Variants in TUBD1 observed in about 807,000 individuals in gnomAD.
TUBD1 encodes the protein tubulin delta chain.
Under a neutral mutation model 51.2 loss-of-function variants are expected in TUBD1, and 38 were observed. That is an observed-to-expected ratio of 0.74 (90% CI 0.57 to 0.97). The LOEUF is 0.97. Among genes scored for constraint, TUBD1 ranks in the 50% least tolerant of loss-of-function variants. TUBD1 has a pLI of 0.00. For missense variants in TUBD1, 489 were observed against 538.4 expected, an observed-to-expected ratio of 0.91 and a Z score of 0.91; for synonymous variants, 169 against 178.2, an observed-to-expected ratio of 0.95 and a Z score of 0.41.
rs1365666883 is a variant in TUBD1, at chr17:59,889,530, G to A, written c.172+1301C>T. 5.3e-5 allele frequency among the ~76,000 whole-genome samples: 8 copies of A among 150,884 alleles called. No individual in the cohort carries two copies. The East Asian group carries it at 1.2e-3, about 22-fold the overall frequency. On this transcript the variant is annotated intron_variant, in intron 2 of 8. Transcript: ENST00000325752. ...AAAAATACAAAAAAATTAGTTGGGC[G>A]TGGTGGCGCATGCCTGTAGTCCCAG...
intron 8 of TUBD1, among the ~76,000 whole-genome samples, chr17:59,862,764 G>A (rs1336594010): frequency 1.6e-5 from 2 of 121,736 alleles, no homozygotes; most frequent in Admixed American, 1.1e-4. Context: ...TCGCTCTGTC[G>A]CCCAGGCTGG....
At position 59,866,623 on chromosome 17, in the gene TUBD1, T is replaced by G. The variant is rs1225867208; in HGVS notation, c.1061A>C (p.Gln354Pro). The change falls in exon 7 of 9, where the codon CAA becomes CCA. Residue 354 changes from glutamine (Q) to proline (P), a missense_variant. By Grantham distance (76) the Gln-to-Pro change is moderately conservative. Coordinates refer to ENST00000325752, the MANE Select transcript of TUBD1 (RefSeq NM_016261.4). The stretch of plus-strand genomic sequence containing the variant: ...GAATTTCTTACCCACATCTGCACTT[T>G]GCACATCTTTCCCACGAAGAATGAC... ...NLVILRGKDV[Q>P]SADVEGFKDP... 6.2e-7 allele frequency: 1 copy of G among 1,614,034 alleles called. No homozygotes were observed. The highest frequency in any genetic ancestry group is 8.5e-7 in the Non-Finnish European group (1 of 1,180,000).
At chr17:59,889,765 T>C (rs1349509155) in intron 2 of TUBD1, among the ~76,000 whole-genome samples, 2 of 151,048 alleles carry the variant, frequency 1.3e-5, no homozygotes, top group African/African-American at 4.9e-5. Context: ...AGATCAGGCA[T>C]TCGAGACCAG....
chr17:59,878,325 G>A lies in TUBD1; in HGVS notation c.547C>T (p.Gln183Ter). ...AGTGTCAAAATGGAGTTGTAGTTTTGAACAATAACCTGGAGAGGAAAAGGT... is the reference window on the plus strand; with the variant it reads ...AGTGTCAAAATGGAGTTGTAGTTTTAAACAATAACCTGGAGAGGAAAAGGT... The part of the protein sequence containing the change: ...WPYGTGEVIV[Q>*]NYNSILTLSH... Residue 183 changes from glutamine (Q) to a stop codon, truncating the protein, a stop_gained, in exon 5 of 9, where the codon CAA becomes TAA. Transcript: ENST00000325752. LOFTEE classifies it high-confidence loss of function. The A allele has an allele frequency of 1.2e-6, 2 of 1,612,034 alleles. No individual in the cohort carries two copies. The highest frequency in any genetic ancestry group is 1.7e-6 in the Non-Finnish European group (2 of 1,178,236).
intron 7 of TUBD1, among the ~76,000 whole-genome samples, chr17:59,865,567 G>A (rs945658178): frequency 7.9e-5 from 12 of 152,136 alleles, no homozygotes; most frequent in African/African-American, 2.4e-4. Flanking sequence ...GTGACAGAGT[G>A]AGACTCTGTC....
intron 8 of TUBD1, among the ~76,000 whole-genome samples, chr17:59,862,850 G>A (rs1000312990): frequency 7.5e-5 from 11 of 146,576 alleles, no homozygotes; most frequent in South Asian, 2.2e-4. Context: ...TCAGCCTCCC[G>A]AGTAGCTGGG....
At chr17:59,883,431 A>T (rs1347560326) in intron 3 of TUBD1, among the ~76,000 whole-genome samples, 1 of 151,246 alleles carries the variant, frequency 6.6e-6, no homozygotes, top group Admixed American at 6.6e-5. Context: ...ACGCCCAGCT[A>T]ATTTTTTCTA....
intron 3 of TUBD1, among the ~76,000 whole-genome samples, chr17:59,883,324 C>G (rs1019637691): frequency 1.3e-5 from 2 of 151,672 alleles, no homozygotes; most frequent in Non-Finnish European, 2.9e-5. Context: ...GGCTGGAGTG[C>G]AATGGTGTGA....
At chr17:59,861,943 G>T (rs1410766616) in intron 8 of TUBD1, among the ~76,000 whole-genome samples, 4 of 151,368 alleles carry the variant, frequency 2.6e-5, no homozygotes, top group African/African-American at 4.9e-5. Flanking sequence ...TGGAATTACA[G>T]GTGTGAGCCA....
chr17:59,869,852 G>A (rs1305874384), intron 6 of TUBD1, among the ~76,000 whole-genome samples: 4 of 152,012 alleles, frequency 2.6e-5, no homozygotes, highest in African/African-American at 4.8e-5. Context: ...AGTTACACAT[G>A]ACAGACTGAG....
At chr17:59,872,099 G>A (rs1213038563) in intron 6 of TUBD1, among the ~76,000 whole-genome samples, 1 of 152,034 alleles carries the variant, frequency 6.6e-6, no homozygotes, top group Non-Finnish European at 1.5e-5. Context: ...GATTACAAGT[G>A]TGTGCCATCA....
chr17:59,874,830 T>A, intron 5 of TUBD1, 127 bp from the exon 6 acceptor site: 1 of 684,746 alleles, frequency 1.5e-6, no homozygotes, highest in Non-Finnish European at 2.4e-6. Flanking sequence ...CAGAATTATT[T>A]AATCTTTAAT....
intron 6 of TUBD1, among the ~76,000 whole-genome samples, chr17:59,867,834 T>C (rs1237418268): frequency 6.6e-6 from 1 of 151,978 alleles, no homozygotes; most frequent in Non-Finnish European, 1.5e-5. Context: ...AGAACAGTAG[T>C]CAGCCTCCAA....
chr17:59,873,148 T>C (rs1305361945), intron 6 of TUBD1, among the ~76,000 whole-genome samples: 1 of 152,136 alleles, frequency 6.6e-6, no homozygotes, highest in Non-Finnish European at 1.5e-5. Context: ...GTAGATGAAA[T>C]AGCTAGACGT....
intron 3 of TUBD1, chr17:59,885,285 G>A: frequency 1.7e-6 from 1 of 592,174 alleles, no homozygotes. Context: ...GCTGGGACCA[G>A]CTGGACCTGA....
At chr17:59,861,922 T>TC (rs1378492671) in intron 8 of TUBD1, among the ~76,000 whole-genome samples, 1 of 150,910 alleles carries the variant, frequency 6.6e-6, no homozygotes, top group African/African-American at 2.4e-5. Flanking sequence ...CACCTTGGCC[T>TC]CCCAAAGTGC....
At chr17:59,878,428 GCT>G in intron 4 of TUBD1, 94 bp from the exon 5 acceptor site, 1 of 847,684 alleles carries the variant, frequency 1.2e-6, no homozygotes, top group South Asian at 1.6e-5. Flanking sequence ...TCAAATCCGG[GCT>G]CTGTCACTTT....
rs1840382635 is a variant in TUBD1 at position 59,881,108 on chromosome 17, T to G, written c.323A>C (p.Tyr108Ser). 3.7e-6 allele frequency: 6 copies of G among 1,611,328 alleles called. No individual in the cohort carries two copies. Among genetic ancestry groups the G allele is most frequent in the Non-Finnish European group, 4.2e-6 (5 of 1,177,742 alleles). Reference sequence around the variant, plus strand: ...TTCATGCCTGGGTCCATGAACAGAGTAACTATGCAATGGCAAAAGAAACAA... The same window carrying G: ...TTCATGCCTGGGTCCATGAACAGAGGAACTATGCAATGGCAAAAGAAACAA... ...QGSGNNWAYGYSVHGPRHEES... is the reference protein window; with the variant it reads ...QGSGNNWAYGSSVHGPRHEES... The change falls in exon 4 of 9, where the codon TAC (tyrosine) becomes TCC (serine). Residue 108 changes from tyrosine (Y) to serine (S), a missense_variant and splice_region_variant. By Grantham distance (144) the Tyr-to-Ser change is moderately radical. Transcript: ENST00000325752.
At chr17:59,862,460 A>C (rs1423141373) in intron 8 of TUBD1, among the ~76,000 whole-genome samples, 1 of 152,186 alleles carries the variant, frequency 6.6e-6, no homozygotes, top group African/African-American at 2.4e-5. Flanking sequence ...CTTAGTATCA[A>C]ACCAAGTTGA....
Sources: allele counts gnomAD v4.1 joint callset (sites outside exome capture counted in the v4.1 genomes callset), GRCh38; gene constraint gnomAD v4.1.1; transcripts MANE v1.5; gene names NCBI Gene and HGNC (gene_info 2026-07-23, HGNC 2026-07-21).